MECOM: variants seen among roughly 807,000 people sequenced by gnomAD.
MECOM encodes the protein histone-lysine N-methyltransferase MECOM.
A neutral mutation model predicts 116.3 loss-of-function variants in MECOM; 13 were observed. The ratio of observed to expected loss-of-function variants is 0.11; its 90% CI spans 0.07 to 0.18. The LOEUF is 0.18. Among genes scored for constraint, MECOM ranks in the 10% least tolerant of loss-of-function variants. MECOM has a pLI of 1.00. For synonymous variants in MECOM, 528 were observed against 535.2 expected, an observed-to-expected ratio of 0.99 and a Z score of 0.19; for missense variants, 1,299 against 1,509.0, an observed-to-expected ratio of 0.86 and a Z score of 2.31.
rs537441735 is a variant in MECOM at position 169,241,230 on chromosome 3, G to A, written c.376-97398C>T. Among the ~76,000 whole-genome samples the A allele has an allele frequency of 4.6e-5, 7 of 152,156 alleles. No homozygotes were observed. The South Asian group carries it at 1.5e-3, about 32-fold the overall frequency. ...AGCGTTCAATCTTCTCACAGAAGGG[G>A]AGAACGTAAATTTGTGATTCAGGAA... On this transcript the variant is annotated intron_variant, in intron 2 of 16. Coordinates refer to ENST00000651503, the MANE Select transcript of MECOM (RefSeq NM_004991.4).
chr3:169,556,909 CTAAAAAA>C (rs916221729), intron 1 of MECOM, among the ~76,000 whole-genome samples: 11 of 151,868 alleles, frequency 7.2e-5, no homozygotes, highest in South Asian at 4.2e-4. Context: ...CCCGTAGAAT[CTAAAAAA>C]TAAAAAATAA....
chr3:169,091,237 CA>C (rs1337244143), intron 14 of MECOM, among the ~76,000 whole-genome samples: 5 of 151,688 alleles, frequency 3.3e-5, no homozygotes, highest in African/African-American at 9.7e-5. Context: ...GGATGAAAAT[CA>C]AAAGTAACAA....
At chr3:169,348,979 A>T (rs1468192442) in intron 2 of MECOM, among the ~76,000 whole-genome samples, 1 of 151,848 alleles carries the variant, frequency 6.6e-6, no homozygotes, top group Non-Finnish European at 1.5e-5. Context: ...CCACTTCTCT[A>T]AATACTTCAG....
chr3:169,575,484 G>A (rs897521209), intron 1 of MECOM, among the ~76,000 whole-genome samples: 3 of 152,186 alleles, frequency 2.0e-5, no homozygotes, highest in African/African-American at 7.2e-5. Context: ...CCAAATCTGG[G>A]TTGCTCGTTT....
At chr3:169,537,926 C>T (rs1197159687) in intron 1 of MECOM, among the ~76,000 whole-genome samples, 1 of 152,042 alleles carries the variant, frequency 6.6e-6, no homozygotes, top group Non-Finnish European at 1.5e-5. Context: ...AAACGATTAC[C>T]CCCAAACTCT....
intron 1 of MECOM, among the ~76,000 whole-genome samples, chr3:169,418,489 G>A (rs941917972): frequency 1.1e-4 from 16 of 152,090 alleles, no homozygotes; most frequent in South Asian, 2.1e-4. Flanking sequence ...ACATCAATGC[G>A]AATATCCTCA....
intron 1 of MECOM, among the ~76,000 whole-genome samples, chr3:169,444,302 G>T (rs572964741): frequency 3.9e-5 from 6 of 152,240 alleles, no homozygotes; most frequent in Admixed American, 1.3e-4. Flanking sequence ...GAGCAACACT[G>T]ATATGGTTTG....
At chr3:169,199,683 T>C (rs1330483061) in intron 2 of MECOM, among the ~76,000 whole-genome samples, 1 of 152,082 alleles carries the variant, frequency 6.6e-6, no homozygotes, top group Non-Finnish European at 1.5e-5. Flanking sequence ...CTACACCCAT[T>C]TCTGGGTCTT....
At chr3:169,139,250 C>G (rs994726043) in intron 3 of MECOM, among the ~76,000 whole-genome samples, 1 of 152,104 alleles carries the variant, frequency 6.6e-6, no homozygotes, top group Non-Finnish European at 1.5e-5. Flanking sequence ...CAGCAGACTT[C>G]TCTTTTTCTA....
At chr3:169,524,354 G>C (rs1343034) in intron 1 of MECOM, among the ~76,000 whole-genome samples, 1 of 151,832 alleles carries the variant, frequency 6.6e-6, no homozygotes, top group Non-Finnish European at 1.5e-5. Flanking sequence ...TCCTCTGACA[G>C]TTTGCAGAGG....
intron 1 of MECOM, among the ~76,000 whole-genome samples, chr3:169,410,382 C>G (rs541241796): frequency 6.6e-6 from 1 of 152,258 alleles, no homozygotes; most frequent in South Asian, 2.1e-4. Context: ...AGAATAAAGA[C>G]CGACTTTTCT....
At chr3:169,477,761 TC>T (rs1750712244) in intron 1 of MECOM, among the ~76,000 whole-genome samples, 1 of 152,182 alleles carries the variant, frequency 6.6e-6, no homozygotes, top group Admixed American at 6.5e-5. Context: ...CTGTACTGTT[TC>T]CACCAAATTA....
chr3:169,259,455 C>A (rs1369335195), intron 2 of MECOM, among the ~76,000 whole-genome samples: 1 of 152,194 alleles, frequency 6.6e-6, no homozygotes, highest in Non-Finnish European at 1.5e-5. Context: ...GGGCCAGGCA[C>A]AGTGGCTCAC....
At chr3:169,469,114 G>A (rs1287505892) in intron 1 of MECOM, among the ~76,000 whole-genome samples, 1 of 149,870 alleles carries the variant, frequency 6.7e-6, no homozygotes, top group African/African-American at 2.5e-5. Flanking sequence ...AAGGGGAGGA[G>A]CCAGATTATA....
chr3:169,338,929 A>G (rs1007517668), intron 2 of MECOM, among the ~76,000 whole-genome samples: 2 of 152,186 alleles, frequency 1.3e-5, no homozygotes, highest in African/African-American at 4.8e-5. Context: ...TTACATTCTC[A>G]GAGTAAAAAT....
intron 1 of MECOM, among the ~76,000 whole-genome samples, chr3:169,394,939 C>T (rs1293402280): frequency 6.6e-6 from 1 of 152,100 alleles, no homozygotes; most frequent in Admixed American, 6.6e-5. Context: ...AATGAAAATG[C>T]TTGGCTGATG....
chr3:169,122,656 T>C lies in MECOM; in HGVS notation c.902A>G (p.Asn301Ser). ...GTGGCGAATTAAATTGGACTTCCAG[T>C]TAAATGCCTTGGGACACTGATCACA... Reference protein sequence around the residue: ...YKCDQCPKAFNWKSNLIRHQM... With the variant: ...YKCDQCPKAFSWKSNLIRHQM... Residue 301 changes from asparagine (N) to serine (S), a missense_variant, in exon 6 of 17, where the codon AAC (asparagine) becomes AGC (serine). Around this residue, in one of 6 missense-constraint regions of MECOM, gnomAD observed 374 missense variants for 433.4 expected, o/e 0.86. Coordinates refer to ENST00000651503, the MANE Select transcript of MECOM (RefSeq NM_004991.4). 6.2e-7 allele frequency: 1 copy of C among 1,614,106 alleles called. No individual in the cohort carries two copies. The highest frequency in any genetic ancestry group is 8.5e-7 in the Non-Finnish European group (1 of 1,179,952).
chr3:169,102,375 A>T, intron 10 of MECOM, 149 bp from the exon 11 acceptor site: 1 of 607,974 alleles, frequency 1.6e-6, no homozygotes, highest in Non-Finnish European at 2.6e-6. Flanking sequence ...TTAAATAAAC[A>T]ACAACAGAAT....
At chr3:169,288,121 G>A (rs928869775) in intron 2 of MECOM, among the ~76,000 whole-genome samples, 4 of 151,950 alleles carry the variant, frequency 2.6e-5, no homozygotes, top group African/African-American at 9.7e-5. Flanking sequence ...TTAGTCTTGG[G>A]TTCAGAGAAT....
Sources: gnomAD v4.1 joint callset for allele counts (sites outside exome capture counted in the v4.1 genomes callset) on GRCh38, gnomAD v4.1.1 for gene constraint, gnomAD v4.1.1 regional missense constraint, MANE v1.5 for transcripts, NCBI Gene and HGNC (gene_info 2026-07-23, HGNC 2026-07-21) for gene names.